Variants in SHISA9 observed in about 807,000 individuals in gnomAD.
The protein encoded by SHISA9 is protein shisa-9.
SHISA9 carries 13 observed loss-of-function variants against 38.0 expected under a neutral mutation model. The observed-to-expected ratio is 0.34, with a 90% CI of 0.22 to 0.54. The LOEUF is 0.54. Ranked by LOEUF, SHISA9 falls within the 20% of genes least tolerant of loss-of-function variation. The pLI, the probability that SHISA9 is intolerant of heterozygous loss-of-function variation, is 0.91. For missense variants in SHISA9, 538 were observed against 575.8 expected, an observed-to-expected ratio of 0.93 and a Z score of 0.67; for synonymous variants, 275 against 242.0, an observed-to-expected ratio of 1.14 and a Z score of -1.27.
At chr16:13,502,623 C>G in the SHISA9 span, among the ~76,000 whole-genome samples, 3 of 152,014 alleles carry the variant, frequency 2.0e-5, no homozygotes, top group Non-Finnish European at 4.4e-5. Flanking sequence ...ACCTGTAATC[C>G]CAACACTTTG....
the SHISA9 span, among the ~76,000 whole-genome samples, chr16:13,252,807 G>A: frequency 6.6e-6 from 1 of 152,118 alleles, no homozygotes; most frequent in South Asian, 2.1e-4. Flanking sequence ...CACGGTACCT[G>A]GAACATAGGC....
the SHISA9 span, among the ~76,000 whole-genome samples, chr16:13,519,842 C>T: frequency 6.6e-6 from 1 of 152,136 alleles, no homozygotes; most frequent in Non-Finnish European, 1.5e-5. Flanking sequence ...AGGTAACTAC[C>T]CCCATGATTC....
chr16:13,399,867 G>T, the SHISA9 span, among the ~76,000 whole-genome samples: 1 of 152,320 alleles, frequency 6.6e-6, no homozygotes, highest in South Asian at 2.1e-4. Context: ...ACCACATTCT[G>T]AGTAGCATGA....
intron 2 of SHISA9, among the ~76,000 whole-genome samples, chr16:13,128,413 T>C (rs547238360): frequency 1.3e-5 from 2 of 152,262 alleles, no homozygotes; most frequent in East Asian, 3.9e-4. Flanking sequence ...ATTTGTGTGC[T>C]TCCAACCTAG....
the SHISA9 span, among the ~76,000 whole-genome samples, chr16:13,517,606 T>C: frequency 6.6e-6 from 1 of 152,182 alleles, no homozygotes; most frequent in African/African-American, 2.4e-5. Flanking sequence ...CTTTCAAGCT[T>C]TCCCAGTTTT....
chr16:13,274,300 G>T, the SHISA9 span, among the ~76,000 whole-genome samples: 1 of 152,098 alleles, frequency 6.6e-6, no homozygotes, highest in African/African-American at 2.4e-5. Flanking sequence ...CCTTTTTGAT[G>T]CTCTGGGTAA....
chr16:12,949,094 C>G lies in SHISA9; in HGVS notation c.691+32279C>G, dbSNP rs570554593. 1.9e-4 allele frequency among the ~76,000 whole-genome samples: 29 copies of G among 152,202 alleles called. 1 individual carries two copies. Among genetic ancestry groups the G allele is most frequent in the African/African-American group, 6.7e-4 (28 of 41,512 alleles). ...TTAAGTGTCTGATGCATGATAGGTACTCAGTAGATATTTGTACCCTTCTCT... is the reference window on the plus strand; with the variant it reads ...TTAAGTGTCTGATGCATGATAGGTAGTCAGTAGATATTTGTACCCTTCTCT... On this transcript the variant is annotated intron_variant, in intron 2 of 4. Coordinates refer to ENST00000558583, the MANE Select transcript of SHISA9 (RefSeq NM_001145204.3).
At chr16:13,215,039 T>G (rs1189448496) in intron 4 of SHISA9, among the ~76,000 whole-genome samples, 7 of 152,078 alleles carry the variant, frequency 4.6e-5, no homozygotes, top group Admixed American at 4.6e-4. Context: ...AGACACCCAC[T>G]GGAAGGCTCT....
chr16:12,994,360 C>G (rs1400255819), intron 2 of SHISA9, among the ~76,000 whole-genome samples: 1 of 152,190 alleles, frequency 6.6e-6, no homozygotes, highest in African/African-American at 2.4e-5. Flanking sequence ...TGTCTCCTCT[C>G]CTTTGAAAGA....
the SHISA9 span, among the ~76,000 whole-genome samples, chr16:13,358,687 C>G: frequency 6.6e-6 from 1 of 152,206 alleles, no homozygotes; most frequent in South Asian, 2.1e-4. Context: ...TGAAAGGCCT[C>G]CAGATAGAGA....
chr16:13,284,835 G>A, the SHISA9 span, among the ~76,000 whole-genome samples: 1 of 152,198 alleles, frequency 6.6e-6, no homozygotes, highest in African/African-American at 2.4e-5. Context: ...ATGGGCTCAA[G>A]TGATCTGCCA....
At chr16:13,337,879 C>G in the SHISA9 span, among the ~76,000 whole-genome samples, 2 of 152,088 alleles carry the variant, frequency 1.3e-5, no homozygotes, top group Non-Finnish European at 2.9e-5. Flanking sequence ...GATGTGCCTG[C>G]TTCCCCTTTC....
At chr16:12,930,310 T>G (rs2071446955) in intron 2 of SHISA9, among the ~76,000 whole-genome samples, 1 of 152,242 alleles carries the variant, frequency 6.6e-6, no homozygotes, top group South Asian at 2.1e-4. Flanking sequence ...TCTTATTTCT[T>G]GTGGACTAAA....
chr16:13,380,793 G>A, the SHISA9 span, among the ~76,000 whole-genome samples: 3 of 151,844 alleles, frequency 2.0e-5, no homozygotes, highest in Admixed American at 6.6e-5. Context: ...CTTTCATTAG[G>A]TATTTCTCCT....
At chr16:13,224,355 T>A (rs1218709021) in intron 4 of SHISA9, among the ~76,000 whole-genome samples, 1 of 152,200 alleles carries the variant, frequency 6.6e-6, no homozygotes, top group Non-Finnish European at 1.5e-5. Flanking sequence ...TGGATCCTAG[T>A]TCGCCTGTCT....
chr16:13,275,990 T>C, the SHISA9 span, among the ~76,000 whole-genome samples: 3 of 152,018 alleles, frequency 2.0e-5, no homozygotes, highest in Non-Finnish European at 4.4e-5. Context: ...GTAAGTTCTT[T>C]AGTGGTGATT....
chr16:12,956,078 T>A (rs2071829858), intron 2 of SHISA9, among the ~76,000 whole-genome samples: 1 of 152,088 alleles, frequency 6.6e-6, no homozygotes, highest in Non-Finnish European at 1.5e-5. Context: ...ACAACCCCGT[T>A]AAAAACTGGG....
At chr16:13,458,236 T>G in the SHISA9 span, 4 of 221,322 alleles carry the variant, frequency 1.8e-5, no homozygotes, top group Non-Finnish European at 3.5e-5. Context: ...TAACCTCTTA[T>G]GGACACTGAC....
chr16:13,318,287 C>G, the SHISA9 span, among the ~76,000 whole-genome samples: 1 of 152,084 alleles, frequency 6.6e-6, no homozygotes, highest in Admixed American at 6.6e-5. Flanking sequence ...GTAGCAAATA[C>G]CCTTCCCTTT....
Sources: gnomAD v4.1 joint callset for allele counts (sites outside exome capture counted in the v4.1 genomes callset) on GRCh38, gnomAD v4.1.1 for gene constraint, MANE v1.5 for transcripts, NCBI Gene and HGNC (gene_info 2026-07-23, HGNC 2026-07-21) for gene names.